RAD51B: variants seen among roughly 807,000 people sequenced by gnomAD.
RAD51B encodes the protein DNA repair protein RAD51 homolog 2.
In RAD51B, 38 loss-of-function variants were observed where a neutral mutation model predicts 42.2. The ratio of observed to expected loss-of-function variants is 0.90; its 90% CI spans 0.70 to 1.18. RAD51B has a LOEUF of 1.18. RAD51B is among the 50% of genes most tolerant of loss of function. The probability of loss-of-function intolerance (pLI) is 0.00; values close to 1 mark genes in which losing one functional copy is unlikely to be tolerated. For missense variants in RAD51B, 373 were observed against 400.7 expected (o/e 0.93, Z 0.59); for synonymous variants, 154 against 145.2 (o/e 1.06, Z -0.43).
intron 7 of RAD51B, among the ~76,000 whole-genome samples, chr14:68,144,194 G>A (rs2078202443): frequency 6.6e-6 from 1 of 152,168 alleles, no homozygotes; most frequent in Non-Finnish European, 1.5e-5. Context: ...GGCCCAGAGA[G>A]CTCTTGGTCA....
At chr14:68,383,353 G>C (rs1402125847) in intron 8 of RAD51B, among the ~76,000 whole-genome samples, 1 of 152,110 alleles carries the variant, frequency 6.6e-6, no homozygotes, top group South Asian at 2.1e-4. Flanking sequence ...GGATGCTACT[G>C]GTGTCTACCC....
intron 10 of RAD51B, among the ~76,000 whole-genome samples, chr14:68,510,888 A>G (rs548853411): frequency 6.6e-6 from 1 of 152,340 alleles, no homozygotes; most frequent in East Asian, 1.9e-4. Context: ...CATACAAACC[A>G]TGGCTTCCTT....
At chr14:67,894,967 G>T (rs977639290) in intron 7 of RAD51B, among the ~76,000 whole-genome samples, 2 of 152,034 alleles carry the variant, frequency 1.3e-5, no homozygotes, top group Non-Finnish European at 2.9e-5. Context: ...GTAGAGACAG[G>T]TCTTGCTATG....
rs183690865 is a variant in RAD51B at position 67,899,199 on chromosome 14, C to T, written c.756+11995C>T. On this transcript the variant is annotated intron_variant, in intron 7 of 10. Coordinates refer to ENST00000471583, the MANE Select transcript of RAD51B (RefSeq NM_133510.4). ...CTGGGACTATAGGCACCCGCCACCA[C>T]GCCCGGCTAATTTTTTTTTTTTTAT... is the stretch of plus-strand genomic sequence containing the variant. Among the ~76,000 whole-genome samples the T allele has an allele frequency of 4.9e-4, 74 of 151,910 alleles. 2 individuals carry two copies. In the East Asian group the frequency reaches 0.013, roughly 27 times the overall value.
intron 9 of RAD51B, among the ~76,000 whole-genome samples, chr14:68,452,395 A>C (rs2085579223): frequency 6.6e-6 from 1 of 152,264 alleles, no homozygotes; most frequent in Non-Finnish European, 1.5e-5. Flanking sequence ...AAAACAATAA[A>C]AAATAAAATT....
intron 7 of RAD51B, among the ~76,000 whole-genome samples, chr14:67,944,844 C>A (rs143591580): frequency 3.0e-4 from 46 of 152,194 alleles, no homozygotes; most frequent in African/African-American, 1.0e-3. Flanking sequence ...TGGACCCTGC[C>A]CTTATGGACC....
chr14:68,440,746 CA>C (rs35547028), intron 9 of RAD51B, among the ~76,000 whole-genome samples: 5 of 144,428 alleles, frequency 3.5e-5, no homozygotes, highest in Non-Finnish European at 6.1e-5. Context: ...AACTCCATCT[CA>C]AAAAAAAAAG....
chr14:67,930,107 G>A (rs1487124909), intron 7 of RAD51B, among the ~76,000 whole-genome samples: 2 of 152,132 alleles, frequency 1.3e-5, no homozygotes, highest in African/African-American at 4.8e-5. Flanking sequence ...TGCACTGATT[G>A]TAGGCAGCAT....
intron 7 of RAD51B, among the ~76,000 whole-genome samples, chr14:68,004,143 A>T (rs557980696): frequency 1.3e-5 from 2 of 152,094 alleles, no homozygotes; most frequent in African/African-American, 4.8e-5. Context: ...ATCCTGGCTG[A>T]CACGGTGAAA....
intron 7 of RAD51B, among the ~76,000 whole-genome samples, chr14:67,924,696 G>T (rs796221658): frequency 9.9e-5 from 15 of 152,282 alleles, no homozygotes; most frequent in African/African-American, 3.6e-4. Context: ...ACCTCCCACT[G>T]GGTCTCTGTC....
chr14:68,123,135 A>G (rs563297012), intron 7 of RAD51B, among the ~76,000 whole-genome samples: 3 of 152,254 alleles, frequency 2.0e-5, no homozygotes, highest in East Asian at 3.9e-4. Flanking sequence ...CCATAAAAAT[A>G]AAATTAACCA....
intron 7 of RAD51B, among the ~76,000 whole-genome samples, chr14:67,937,136 G>A (rs2044983876): frequency 6.6e-6 from 1 of 152,124 alleles, no homozygotes; most frequent in African/African-American, 2.4e-5. Flanking sequence ...TTGCAGTAGG[G>A]TGCCATGAAG....
chr14:68,157,177 A>G (rs2078531211), intron 7 of RAD51B, among the ~76,000 whole-genome samples: 1 of 152,200 alleles, frequency 6.6e-6, no homozygotes, highest in African/African-American at 2.4e-5. Context: ...AGCCTAGTTG[A>G]CAGAGCAAGA....
Position 67,864,961 on chromosome 14 carries a change from C to CTTTTTTTTTTTTTTTTTTTT in RAD51B, c.316-22_316-3dup, listed in dbSNP as rs745505141. The CTTTTTTTTTTTTTTTTTTTT allele has an allele frequency of 5.4e-5, 35 of 645,020 alleles. 17 individuals carry two copies. Among genetic ancestry groups the CTTTTTTTTTTTTTTTTTTTT allele is most frequent in the East Asian group, 3.8e-4 (4 of 10,512 alleles). The allele number at this position is 645,020 out of a possible 1,614,324, so 40.0% of individuals were successfully genotyped here. A position where few individuals can be genotyped will look rare whatever the true frequency, so the allele number is the denominator to read the frequency against. On this transcript the variant is annotated intron_variant, in intron 4 of 10. Transcript: ENST00000471583. Reference sequence around the variant, plus strand: ...TGGCTTGTGATGTTTATCTAAAAAACTTTTTTTTTTTTTTTTTTTTTTTTT... The same window carrying CTTTTTTTTTTTTTTTTTTTT: ...TGGCTTGTGATGTTTATCTAAAAAACTTTTTTTTTTTTTTTTTTTTTTTTTTTTTTTTTTTTTTTTTTTTT...
rs1033254676 is a variant in RAD51B at position 68,120,036 on chromosome 14, T to C, written c.757-171848T>C. On this transcript the variant is annotated intron_variant, in intron 7 of 10. Coordinates refer to ENST00000471583, the MANE Select transcript of RAD51B (RefSeq NM_133510.4). ...CTAACTGGTGTGAGCTGGTATCTCA[T>C]TGTGGTTTTGATTTGCATTTCTCTG... Among the ~76,000 whole-genome samples the C allele has an allele frequency of 5.3e-5, 8 of 152,310 alleles. No individual in the cohort carries two copies. In the East Asian group the frequency reaches 5.8e-4, roughly 11 times the overall value.
At chr14:68,581,757 A>G (rs1227965911) in intron 10 of RAD51B, among the ~76,000 whole-genome samples, 1 of 152,212 alleles carries the variant, frequency 6.6e-6, no homozygotes, top group Non-Finnish European at 1.5e-5. Context: ...ACTTCAAACT[A>G]TACTACAAGC....
intron 4 of RAD51B, among the ~76,000 whole-genome samples, chr14:67,849,951 G>A (rs747438983): frequency 5.9e-5 from 9 of 152,096 alleles, no homozygotes; most frequent in Non-Finnish European, 8.8e-5. Flanking sequence ...GATTTTTCTG[G>A]TGCCAGCATT....
intron 7 of RAD51B, among the ~76,000 whole-genome samples, chr14:68,134,352 A>G (rs2077965229): frequency 6.6e-6 from 1 of 152,156 alleles, no homozygotes. Flanking sequence ...TCACCCTTTT[A>G]AGGATATTTG....
intron 10 of RAD51B, among the ~76,000 whole-genome samples, chr14:68,536,653 T>G (rs1887635897): frequency 6.6e-6 from 1 of 152,220 alleles, no homozygotes; most frequent in Non-Finnish European, 1.5e-5. Context: ...TTAATTTTCC[T>G]TAAGTCTTCA....
Sources: gnomAD v4.1 joint callset for allele counts (sites outside exome capture counted in the v4.1 genomes callset) on GRCh38, gnomAD v4.1.1 for gene constraint, MANE v1.5 for transcripts, NCBI Gene and HGNC (gene_info 2026-07-23, HGNC 2026-07-21) for gene names.